Variants in GUCY2F observed in about 807,000 individuals in gnomAD.
The protein encoded by GUCY2F is guanylate cyclase 2F, retinal.
GUCY2F carries 61 observed loss-of-function variants against 73.1 expected under a neutral mutation model. The observed-to-expected ratio is 0.83, with a 90% CI of 0.68 to 1.03. The LOEUF is 1.03. Ranked by LOEUF, GUCY2F falls within the 50% of genes least tolerant of loss-of-function variation. The probability of loss-of-function intolerance (pLI) is 0.00; values close to 1 mark genes in which losing one functional copy is unlikely to be tolerated. For missense variants in GUCY2F, 912 were observed against 854.3 expected, an observed-to-expected ratio of 1.07 and a Z score of -0.84; for synonymous variants, 331 against 307.8, an observed-to-expected ratio of 1.08 and a Z score of -0.79.
chrX:109,391,779 G>GGT (rs1276848237), intron 14 of GUCY2F, 132 bp downstream of exon 14: 1 of 373,355 alleles, frequency 2.7e-6, no homozygotes, highest in East Asian at 4.4e-5. Flanking sequence ...CAATGGAAGG[G>GGT]GTGTACTATT....
At chrX:109,458,451 AC>A (rs1932302221) in intron 3 of GUCY2F, among the ~76,000 whole-genome samples, 1 of 111,686 alleles carries the variant, frequency 9.0e-6, no homozygotes, top group Non-Finnish European at 1.9e-5. Context: ...ACGACCTGGT[AC>A]AGAGTAAACA....
At chrX:109,429,819 G>T (rs1392709973) in intron 8 of GUCY2F, among the ~76,000 whole-genome samples, 1 of 111,968 alleles carries the variant, frequency 8.9e-6, no homozygotes, top group African/African-American at 3.3e-5. Flanking sequence ...TAATTAGTGG[G>T]ATTAGGGAAA....
At position 109,415,865 on chromosome X, in the gene GUCY2F, G is replaced by C. The variant is rs776305956; in HGVS notation, c.1792-6697C>G. Among the ~76,000 whole-genome samples, 6 of 111,916 alleles carry C rather than the reference G, an allele frequency of 5.4e-5. No individual in the cohort carries two copies. In the Admixed American group the frequency reaches 5.7e-4, roughly 11 times the overall value. On this transcript the variant is annotated intron_variant, in intron 8 of 19. Transcript: ENST00000218006. ...ATCTAGCATAAAATAAAAAACATTA[G>C]ATACTTGGGAATGCATAACAAAGTC...
chrX:109,456,039 G>A (rs2147278538), intron 3 of GUCY2F, among the ~76,000 whole-genome samples: 1 of 111,978 alleles, frequency 8.9e-6, no homozygotes, highest in East Asian at 2.8e-4. Context: ...CAATACCTCA[G>A]TCTCCAGAGG....
chrX:109,415,244 T>C (rs1457828389), intron 8 of GUCY2F, among the ~76,000 whole-genome samples: 1 of 111,856 alleles, frequency 8.9e-6, no homozygotes, highest in Non-Finnish European at 1.9e-5. Flanking sequence ...AAGCCAAAGA[T>C]TGGGCTTAGC....
chrX:109,398,463 C>T (rs1195032097), intron 11 of GUCY2F, 86 bp downstream of exon 11: 1 of 886,632 alleles, frequency 1.1e-6, no homozygotes, highest in Non-Finnish European at 1.6e-6. Flanking sequence ...CACTAACACT[C>T]TTCTGGAAAA....
At chrX:109,479,144 G>C (rs971460723) in intron 1 of GUCY2F, among the ~76,000 whole-genome samples, 3 of 111,303 alleles carry the variant, frequency 2.7e-5, no homozygotes, top group African/African-American at 9.8e-5. Context: ...TGCACAGCTG[G>C]GGGTGGGGAG....
intron 1 of GUCY2F, among the ~76,000 whole-genome samples, chrX:109,477,087 A>G (rs1047578076): frequency 5.4e-5 from 6 of 111,507 alleles, no homozygotes; most frequent in African/African-American, 2.0e-4. Context: ...CTGGAGGCAA[A>G]GAGACCAGTT....
At position 109,409,160 on chromosome X, in the gene GUCY2F, G is replaced by A. The variant is rs1454839877; in HGVS notation, c.1800C>T (p.Asp600=). The A allele has an allele frequency of 1.8e-6, 2 of 1,092,489 alleles. No individual in the cohort carries two copies. The highest frequency in any genetic ancestry group is 3.0e-5 in the East Asian group (1 of 33,260). 90.0% of individuals were successfully genotyped at this position (1,092,489 alleles called of 1,213,427 possible). The part of the protein sequence containing the change: ...RASDVFEMMK[D]LRHENINPLL... ...AAGGGTTAATATTCTCATGACGCAA[G>A]TCCTTCATCTGGAAATGAGAGACAG... Residue 600 remains aspartate, a synonymous_variant, in exon 9 of 20, where the codon GAC becomes GAT. Coordinates refer to ENST00000218006, the MANE Select transcript of GUCY2F (RefSeq NM_001522.3).
At chrX:109,466,980 T>C (rs1298199556) in intron 2 of GUCY2F, among the ~76,000 whole-genome samples, 1 of 112,112 alleles carries the variant, frequency 8.9e-6, no homozygotes, top group Non-Finnish European at 1.9e-5. Flanking sequence ...CACCACAACA[T>C]GACATGAGTT....
rs752500639 is a variant in GUCY2F at position 109,382,179 on chromosome X, G to A, written c.3089C>T (p.Thr1030Ile). 4.2e-6 allele frequency: 5 copies of A among 1,185,519 alleles called. No individual in the cohort carries two copies. The highest frequency in any genetic ancestry group is 3.6e-5 in the South Asian group (2 of 56,246). Reference sequence around the variant, plus strand: ...GCCCTCACTCAGATTTTGAAGAATTGTAACAGTGCTGAGACTGACATGAAT... The same window carrying A: ...GCCCTCACTCAGATTTTGAAGAATTATAACAGTGCTGAGACTGACATGAAT... Reference protein sequence around the residue: ...YRIHVSLSTVTILQNLSEGYE... With the variant: ...YRIHVSLSTVIILQNLSEGYE... Residue 1030 changes from threonine to isoleucine, a missense_variant, in exon 17 of 20, where the codon ACA becomes ATA. Physicochemically the swap from Thr to Ile is moderately conservative, Grantham distance 89 (BLOSUM62 -1). Transcript: ENST00000218006.
At chrX:109,385,406 T>C (rs1454102759) in intron 15 of GUCY2F, 124 bp from the exon 16 acceptor site, 1 of 393,779 alleles carries the variant, frequency 2.5e-6, no homozygotes, top group Non-Finnish European at 4.4e-6. Flanking sequence ...CATATAGCTC[T>C]GTGAATCTGA....
intron 3 of GUCY2F, among the ~76,000 whole-genome samples, chrX:109,459,980 TAAC>T (rs1016952216): frequency 1.9e-4 from 21 of 111,672 alleles, no homozygotes; most frequent in African/African-American, 6.5e-4. Flanking sequence ...ACTATATTGA[TAAC>T]AACAAGAATG....
At chrX:109,392,837 T>G in intron 13 of GUCY2F, 55 bp downstream of exon 13, 1 of 769,825 alleles carries the variant, frequency 1.3e-6, no homozygotes, top group Non-Finnish European at 1.9e-6. Context: ...TCTTTTTTTT[T>G]TTTAACAGAA....
intron 10 of GUCY2F, among the ~76,000 whole-genome samples, chrX:109,404,085 A>T (rs990001433): frequency 1.8e-5 from 2 of 112,434 alleles, no homozygotes; most frequent in African/African-American, 6.5e-5. Context: ...GTCTCCAAAC[A>T]ATACATCCTA....
intron 2 of GUCY2F, among the ~76,000 whole-genome samples, chrX:109,467,692 G>A (rs1932497963): frequency 8.9e-6 from 1 of 111,823 alleles, no homozygotes; most frequent in African/African-American, 3.2e-5. Context: ...CTAAGGAAAG[G>A]CACCTCTCTC....
chrX:109,455,435 A>G, intron 3 of GUCY2F, among the ~76,000 whole-genome samples: 1 of 111,846 alleles, frequency 8.9e-6, no homozygotes, highest in Non-Finnish European at 1.9e-5. Context: ...GAGAAGTTAC[A>G]TGACCTGTCA....
intron 1 of GUCY2F, 76 bp from the exon 2 acceptor site, chrX:109,476,097 G>C: frequency 6.5e-6 from 2 of 306,054 alleles, no homozygotes; most frequent in Non-Finnish European, 1.0e-5. Context: ...TGAAAGAATG[G>C]CAAAAAAAAA....
intron 3 of GUCY2F, among the ~76,000 whole-genome samples, chrX:109,458,326 G>C (rs1356298843): frequency 8.9e-6 from 1 of 111,775 alleles, no homozygotes; most frequent in African/African-American, 3.2e-5. Flanking sequence ...CCACTTCCCA[G>C]CTGTATGACC....
Sources: allele counts gnomAD v4.1 joint callset (sites outside exome capture counted in the v4.1 genomes callset), GRCh38; gene constraint gnomAD v4.1.1; transcripts MANE v1.5; gene names NCBI Gene and HGNC (gene_info 2026-07-23, HGNC 2026-07-21).